OSBPL1A: variants seen among roughly 807,000 people sequenced by gnomAD.
The protein encoded by OSBPL1A is oxysterol binding protein like 1A, also known as oxysterol-binding protein-related protein 1.
OSBPL1A carries 80 observed loss-of-function variants against 137.1 expected under a neutral mutation model. The observed-to-expected ratio is 0.58, with a 90% CI of 0.49 to 0.70. The LOEUF (loss-of-function observed/expected upper bound fraction) is 0.70. Ranked by LOEUF, OSBPL1A falls within the 30% of genes least tolerant of loss-of-function variation. The pLI, the probability that OSBPL1A is intolerant of heterozygous loss-of-function variation, is 0.00. For missense variants in OSBPL1A, 970 were observed against 1,129.4 expected, an observed-to-expected ratio of 0.86 and a Z score of 2.02; for synonymous variants, 365 against 389.7, an observed-to-expected ratio of 0.94 and a Z score of 0.75.
chr18:24,353,835 G>T (rs148764667), intron 4 of OSBPL1A, among the ~76,000 whole-genome samples: 1 of 149,906 alleles, frequency 6.7e-6, no homozygotes, highest in Non-Finnish European at 1.5e-5. Flanking sequence ...ACCAAACACC[G>T]CATGTTCTCA....
In OSBPL1A at chr18:24,181,190, G is replaced by A. The variant is rs1171144898; in HGVS notation, c.1767C>T (p.Leu589=). The A allele has an allele frequency of 1.9e-6, 3 of 1,614,016 alleles. No individual in the cohort carries two copies. In the African/African-American group the frequency reaches 4.0e-5, roughly 22 times the overall value. The change falls in exon 19 of 28, where the codon CTC becomes CTT. Residue 589 remains leucine (L), a synonymous_variant. Transcript: ENST00000319481. ...RLTEYMEHTY[L]IHKASSLSDP... ...CAGAGAGTGAACTGGCCTTGTGGAT[G>A]AGGTAAGTATGCTCCATGTATTCAG...
At chr18:24,393,861 G>A (rs1907544413) in intron 1 of OSBPL1A, among the ~76,000 whole-genome samples, 1 of 152,158 alleles carries the variant, frequency 6.6e-6, no homozygotes, top group Non-Finnish European at 1.5e-5. Context: ...ATTATGTTTT[G>A]AGTGCCTCAT....
In OSBPL1A at chr18:24,170,345, C is replaced by T. The variant is rs1468737798; in HGVS notation, c.2400G>A (p.Glu800=). 1 of 1,614,152 alleles carries T rather than the reference C, an allele frequency of 6.2e-7. No individual in the cohort carries two copies. Among genetic ancestry groups the T allele is most frequent in the South Asian group, 1.1e-5 (1 of 91,078 alleles). ...YKKNDKKNTE[E]KKNSKQMSTS... ...TGTTCACCTGTTTGCTGTTCTTCTT[C>T]TCTTCTGTATTTTTCTTATCATTTT... Residue 800 remains glutamate (E), a synonymous_variant, in exon 24 of 28, where the codon GAG becomes GAA. Transcript: ENST00000319481.
intron 12 of OSBPL1A, among the ~76,000 whole-genome samples, chr18:24,312,450 C>A (rs539343576): frequency 1.3e-5 from 2 of 152,198 alleles, no homozygotes; most frequent in South Asian, 2.1e-4. Context: ...AATTTTATAA[C>A]CTAACAGAAT....
At chr18:24,352,361 C>A (rs527314301) in intron 4 of OSBPL1A, among the ~76,000 whole-genome samples, 145 of 152,136 alleles carry the variant, frequency 9.5e-4, no homozygotes, top group African/African-American at 3.3e-3. Flanking sequence ...GCTTATCTTC[C>A]AGAGATAAGC....
Position 24,169,103 on chromosome 18 carries a change from T to G in OSBPL1A, c.2418+1224A>C, listed in dbSNP as rs577899923. 8.9e-4 allele frequency among the ~76,000 whole-genome samples: 136 copies of G among 152,184 alleles called. 2 individuals carry two copies. The highest frequency in any genetic ancestry group is 3.2e-3 in the African/African-American group (134 of 41,518). ...GAGCACAGTTGGTGCACAGTTCCCG[T>G]GGGCAGGAACATGGGATATAAAGAG... On this transcript the variant is annotated intron_variant, in intron 24 of 27. Coordinates refer to ENST00000319481, the MANE Select transcript of OSBPL1A (RefSeq NM_080597.4).
chr18:24,359,037 C>A (rs1311501698), intron 4 of OSBPL1A, among the ~76,000 whole-genome samples: 1 of 151,816 alleles, frequency 6.6e-6, no homozygotes, highest in Admixed American at 6.6e-5. Context: ...GGCAACATGG[C>A]AAAACCCTGT....
rs188269307 is a variant in OSBPL1A at position 24,192,070 on chromosome 18, G to A, written c.1677+4055C>T. Among the ~76,000 whole-genome samples the A allele has an allele frequency of 2.0e-5, 3 of 152,212 alleles. No individual in the cohort carries two copies. The East Asian group carries it at 5.8e-4, about 29-fold the overall frequency. The stretch of plus-strand genomic sequence containing the variant: ...GGTATTCCTGATGTACCAGACCTTT[G>A]TCACCTCTTGCAATAATCCAGGACT... On this transcript the variant is annotated intron_variant, in intron 18 of 27. Transcript: ENST00000319481.
At chr18:24,368,497 C>T in intron 2 of OSBPL1A, 125 bp from the exon 3 acceptor site, 2 of 697,172 alleles carry the variant, frequency 2.9e-6, no homozygotes, top group Non-Finnish European at 5.0e-6. Context: ...AAGTGAGAGG[C>T]AAGATATGTG....
intron 16 of OSBPL1A, among the ~76,000 whole-genome samples, chr18:24,233,088 G>T (rs979515224): frequency 6.6e-6 from 1 of 152,112 alleles, no homozygotes; most frequent in East Asian, 1.9e-4. Context: ...AAAGTAATGC[G>T]TTCTGAACCT....
intron 15 of OSBPL1A, among the ~76,000 whole-genome samples, chr18:24,241,985 A>T (rs1389638949): frequency 6.6e-6 from 1 of 152,198 alleles, no homozygotes; most frequent in Non-Finnish European, 1.5e-5. Context: ...AGGAACATGG[A>T]TGAAGCTGGA....
intron 15 of OSBPL1A, among the ~76,000 whole-genome samples, chr18:24,243,106 G>A (rs569917890): frequency 1.3e-5 from 2 of 152,224 alleles, no homozygotes; most frequent in South Asian, 2.1e-4. Flanking sequence ...GCAGGAGACT[G>A]TAATCTCAAC....
At chr18:24,312,169 A>G in intron 12 of OSBPL1A, 63 bp from the exon 13 acceptor site, 4 of 1,588,236 alleles carry the variant, frequency 2.5e-6, no homozygotes, top group Non-Finnish European at 3.4e-6. Flanking sequence ...AGATAATATT[A>G]CAATGATCTG....
intron 17 of OSBPL1A, among the ~76,000 whole-genome samples, chr18:24,214,815 C>T (rs555485386): frequency 6.6e-6 from 1 of 152,330 alleles, no homozygotes; most frequent in Non-Finnish European, 1.5e-5. Flanking sequence ...CAGAGATGGA[C>T]TGAATAACAG....
At chr18:24,303,517 A>G in intron 14 of OSBPL1A, 120 bp downstream of exon 14, 1 of 693,272 alleles carries the variant, frequency 1.4e-6, no homozygotes, top group African/African-American at 1.8e-5. Flanking sequence ...AAATAGTTTT[A>G]TCAAATATAA....
At chr18:24,188,781 C>T (rs1302449679) in intron 18 of OSBPL1A, among the ~76,000 whole-genome samples, 1 of 152,184 alleles carries the variant, frequency 6.6e-6, no homozygotes, top group Non-Finnish European at 1.5e-5. Flanking sequence ...CTAAAACCTA[C>T]AGTTCCCTAG....
intron 4 of OSBPL1A, among the ~76,000 whole-genome samples, chr18:24,353,827 C>A (rs1402321859): frequency 6.6e-6 from 1 of 150,628 alleles, no homozygotes; most frequent in Non-Finnish European, 1.5e-5. Context: ...GACGAGAAAC[C>A]AAACACCGCA....
At chr18:24,212,534 C>T (rs1034751175) in intron 17 of OSBPL1A, among the ~76,000 whole-genome samples, 3 of 152,138 alleles carry the variant, frequency 2.0e-5, no homozygotes, top group Non-Finnish European at 4.4e-5. Flanking sequence ...TATGATTTTT[C>T]ATATTCTCTT....
chr18:24,347,940 C>T (rs573177313), intron 4 of OSBPL1A: 5 of 151,420 alleles, frequency 3.3e-5, no homozygotes, highest in East Asian at 1.9e-4. Flanking sequence ...TCGTACAACT[C>T]GTATTAATAC....
Sources: allele counts gnomAD v4.1 joint callset (sites outside exome capture counted in the v4.1 genomes callset), GRCh38; gene constraint gnomAD v4.1.1; transcripts MANE v1.5; gene names NCBI Gene and HGNC (gene_info 2026-07-23, HGNC 2026-07-21).